ASIC2: variants seen among roughly 807,000 people sequenced by gnomAD.
ASIC2 encodes acid-sensing ion channel 2.
A neutral mutation model predicts 57.3 loss-of-function variants in ASIC2; 25 were observed. That is an observed-to-expected ratio of 0.44 (90% CI 0.32 to 0.61). The LOEUF (loss-of-function observed/expected upper bound fraction) is 0.61. Ranked by LOEUF, ASIC2 falls within the 20% of genes least tolerant of loss-of-function variation. The pLI is 0.06. For synonymous variants in ASIC2, 319 were observed against 307.5 expected (o/e 1.04, Z -0.39); for missense variants, 641 against 738.1 (o/e 0.87, Z 1.52).
intron 1 of ASIC2, among the ~76,000 whole-genome samples, chr17:33,125,416 G>T (rs1283606918): frequency 6.6e-6 from 1 of 152,228 alleles, no homozygotes; most frequent in Non-Finnish European, 1.5e-5. Flanking sequence ...CCAGGGGAGT[G>T]TGGTTTTCAT....
chr17:33,804,664 G>T (rs1912221432), intron 1 of ASIC2, among the ~76,000 whole-genome samples: 2 of 152,130 alleles, frequency 1.3e-5, no homozygotes, highest in Non-Finnish European at 1.5e-5. Flanking sequence ...ACCCTAAAGA[G>T]GGAGAGCTCT....
At chr17:34,099,135 AGAGAGAGAGACAGAGAGAGAGAGAGAG>A in intron 1 of ASIC2, among the ~76,000 whole-genome samples, 26 of 23,206 alleles carry the variant, frequency 1.1e-3, no homozygotes, top group African/African-American at 2.9e-3. Context: ...AGAGAGAGAG[AGAGAGAGAGACAGAGAGAGAGAGAGAG>A]AGAAAGAAAG....
chr17:33,233,066 C>T (rs373583579), intron 1 of ASIC2, among the ~76,000 whole-genome samples: 2 of 152,200 alleles, frequency 1.3e-5, no homozygotes, highest in East Asian at 1.9e-4. Flanking sequence ...ACTCCAGCTA[C>T]GTGCCCTGGA....
At chr17:33,324,848 C>T (rs1268053012) in intron 1 of ASIC2, among the ~76,000 whole-genome samples, 1 of 152,224 alleles carries the variant, frequency 6.6e-6, no homozygotes, top group African/African-American at 2.4e-5. Context: ...TTCCAGCCTG[C>T]CTGCTGCCCT....
intron 1 of ASIC2, among the ~76,000 whole-genome samples, chr17:34,029,780 C>T (rs1907521581): frequency 6.6e-6 from 1 of 152,214 alleles, no homozygotes; most frequent in African/African-American, 2.4e-5. Flanking sequence ...TGATTTTGGA[C>T]TTACAGCCTC....
chr17:33,321,841 T>C (rs139585855), intron 1 of ASIC2, among the ~76,000 whole-genome samples: 3 of 152,338 alleles, frequency 2.0e-5, no homozygotes, highest in Admixed American at 1.3e-4. Flanking sequence ...AACTAGAGCA[T>C]TGAAAATGTG....
At chr17:33,430,949 T>C (rs1359782355) in intron 1 of ASIC2, among the ~76,000 whole-genome samples, 1 of 152,104 alleles carries the variant, frequency 6.6e-6, no homozygotes, top group African/African-American at 2.4e-5. Flanking sequence ...CCATGGACCC[T>C]AAATATAAGC....
At chr17:33,232,764 T>G (rs1908155704) in intron 1 of ASIC2, among the ~76,000 whole-genome samples, 1 of 152,170 alleles carries the variant, frequency 6.6e-6, no homozygotes, top group African/African-American at 2.4e-5. Flanking sequence ...ATAAACCCAT[T>G]AATATGCATC....
At chr17:33,882,412 A>G (rs942597663) in intron 1 of ASIC2, among the ~76,000 whole-genome samples, 2 of 152,204 alleles carry the variant, frequency 1.3e-5, no homozygotes, top group Non-Finnish European at 2.9e-5. Context: ...ACAAATTTAC[A>G]AGAAAAAAAC....
intron 1 of ASIC2, among the ~76,000 whole-genome samples, chr17:33,264,658 C>T (rs147942601): frequency 5.9e-5 from 9 of 152,194 alleles, no homozygotes; most frequent in Non-Finnish European, 1.2e-4. Flanking sequence ...AAGAGCCAAG[C>T]GATCAGTGCT....
chr17:34,102,193 G>A (rs1248001188), intron 1 of ASIC2, among the ~76,000 whole-genome samples: 2 of 151,972 alleles, frequency 1.3e-5, no homozygotes, highest in Non-Finnish European at 2.9e-5. Context: ...AACCGGGTGT[G>A]GTGGTGGGTG....
intron 3 of ASIC2, among the ~76,000 whole-genome samples, chr17:33,038,138 G>A (rs1018977033): frequency 1.3e-5 from 2 of 152,172 alleles, no homozygotes; most frequent in African/African-American, 4.8e-5. Context: ...CTCAGCCCCA[G>A]CTTTTAGTTT....
chr17:33,929,875 T>G (rs1489063425), intron 1 of ASIC2, among the ~76,000 whole-genome samples: 1 of 152,180 alleles, frequency 6.6e-6, no homozygotes, highest in Non-Finnish European at 1.5e-5. Context: ...ATATCAGAAT[T>G]GAAAAGGTGT....
At chr17:33,285,312 G>A (rs575943821) in intron 1 of ASIC2, among the ~76,000 whole-genome samples, 1 of 152,316 alleles carries the variant, frequency 6.6e-6, no homozygotes, top group East Asian at 1.9e-4. Flanking sequence ...AATAACTGGT[G>A]GAGGTCTTTT....
chr17:34,016,813 T>G (rs1158805349), intron 1 of ASIC2, among the ~76,000 whole-genome samples: 1 of 152,246 alleles, frequency 6.6e-6, no homozygotes, highest in African/African-American at 2.4e-5. Flanking sequence ...ATGTTACTTT[T>G]AAACAATCGG....
chr17:33,423,404 T>C (rs1403462694), intron 1 of ASIC2, among the ~76,000 whole-genome samples: 1 of 152,178 alleles, frequency 6.6e-6, no homozygotes, highest in South Asian at 2.1e-4. Context: ...TCCTCATCTG[T>C]AAAAATCATG....
Position 33,292,230 on chromosome 17 carries a change from A to G in ASIC2, c.-115T>C. 4 of 995,608 alleles carry G rather than the reference A, an allele frequency of 4.0e-6. No individual in the cohort carries two copies. Among genetic ancestry groups the G allele is most frequent in the Non-Finnish European group, 2.4e-6 (2 of 839,050 alleles). The allele number at this position is 995,608 out of a possible 1,614,324, so 61.7% of individuals were successfully genotyped here. On this transcript the variant is annotated 5_prime_UTR_variant, in exon 1 of 10. Transcript: ENST00000225823. Reference sequence around the variant, plus strand: ...GCGGCAGCCGCGCGCAGCCCGCGCCAGGGAAGCGTGCGCCCGAAAGGAGCT... The same window carrying G: ...GCGGCAGCCGCGCGCAGCCCGCGCCGGGGAAGCGTGCGCCCGAAAGGAGCT...
At chr17:33,199,336 G>A (rs1261280410) in intron 1 of ASIC2, among the ~76,000 whole-genome samples, 1 of 152,180 alleles carries the variant, frequency 6.6e-6, no homozygotes, top group Non-Finnish European at 1.5e-5. Flanking sequence ...TAGCCAACTT[G>A]TTTAATCATC....
At chr17:34,021,207 C>T (rs1349070497) in intron 1 of ASIC2, among the ~76,000 whole-genome samples, 4 of 151,906 alleles carry the variant, frequency 2.6e-5, no homozygotes, top group Non-Finnish European at 5.9e-5. Context: ...ACTCATGTAA[C>T]CAAACACCAC....
Sources: allele counts gnomAD v4.1 joint callset (sites outside exome capture counted in the v4.1 genomes callset), GRCh38; gene constraint gnomAD v4.1.1; transcripts MANE v1.5; gene names NCBI Gene and HGNC (gene_info 2026-07-23, HGNC 2026-07-21).